Variants in PEX5L observed in about 807,000 individuals in gnomAD.
PEX5L encodes the protein peroxisomal biogenesis factor 5 like, also known as PEX5-related protein.
Under a neutral mutation model 84.0 loss-of-function variants are expected in PEX5L, and 30 were observed. That is an observed-to-expected ratio of 0.36 (90% CI 0.27 to 0.48). The LOEUF is 0.48. PEX5L is among the 20% of genes least tolerant of loss of function. The pLI is 0.99. For missense variants in PEX5L, 533 were observed against 754.6 expected, an observed-to-expected ratio of 0.71 and a Z score of 3.44; for synonymous variants, 270 against 283.1, an observed-to-expected ratio of 0.95 and a Z score of 0.46.
intron 7 of PEX5L, among the ~76,000 whole-genome samples, chr3:179,872,059 G>GT (rs1391593845): frequency 1.3e-5 from 2 of 151,946 alleles, no homozygotes; most frequent in African/African-American, 4.8e-5. Flanking sequence ...TAATTTTTGT[G>GT]TTTTTTGTAG....
chr3:179,828,448 A>T (rs1731356256), intron 8 of PEX5L, among the ~76,000 whole-genome samples: 1 of 152,120 alleles, frequency 6.6e-6, no homozygotes, highest in Non-Finnish European at 1.5e-5. Flanking sequence ...CAACTTTCAG[A>T]TGCTGCATGT....
At chr3:179,877,221 G>T (rs768215672) in intron 5 of PEX5L, among the ~76,000 whole-genome samples, 9 of 152,164 alleles carry the variant, frequency 5.9e-5, no homozygotes, top group Admixed American at 2.0e-4. Flanking sequence ...TAGCATGTAA[G>T]TTATTCCTTT....
intron 8 of PEX5L, among the ~76,000 whole-genome samples, chr3:179,838,145 T>A (rs2109301286): frequency 6.6e-6 from 1 of 152,362 alleles, no homozygotes; most frequent in African/African-American, 2.4e-5. Flanking sequence ...TTGAAATTCT[T>A]CAAAATTTCT....
Position 179,910,017 on chromosome 3 carries a change from A to G in PEX5L, c.94-11771T>C, listed in dbSNP as rs73885967. Among the ~76,000 whole-genome samples the G allele has an allele frequency of 4.5e-3, 679 of 152,336 alleles. 3 individuals carry two copies. Among genetic ancestry groups the G allele is most frequent in the African/African-American group, 0.016 (650 of 41,584 alleles). On this transcript the variant is annotated intron_variant, in intron 2 of 14. Coordinates refer to ENST00000467460, the MANE Select transcript of PEX5L (RefSeq NM_016559.3). ...CTAAACAGTAATAGAACAACCACCC[A>G]TGAATGACTACGAAGCGGTCTTACT...
intron 8 of PEX5L, among the ~76,000 whole-genome samples, chr3:179,843,930 T>C (rs1360131451): frequency 6.6e-6 from 1 of 152,244 alleles, no homozygotes; most frequent in East Asian, 1.9e-4. Flanking sequence ...GGATGGATTA[T>C]GCAAGTTCTT....
Position 179,898,126 on chromosome 3 carries a change from CT to C in PEX5L, c.198+15del. The C allele has an allele frequency of 6.6e-7, 1 of 1,525,762 alleles. No homozygotes were observed. The highest frequency in any genetic ancestry group is 1.1e-5 in the South Asian group (1 of 88,924). The allele number at this position is 1,525,762 out of a possible 1,614,324, so 94.5% of individuals were successfully genotyped here. Reference sequence around the variant, plus strand: ...CATATGTCAGCTTCCTACAGAAACCCTATGGGTCTGCCCACCTGTGATGTCA... The same window carrying C: ...CATATGTCAGCTTCCTACAGAAACCCATGGGTCTGCCCACCTGTGATGTCA... On this transcript the variant is annotated intron_variant, in intron 3 of 14. Transcript: ENST00000467460.
chr3:179,804,376 TA>T (rs1236088343), intron 14 of PEX5L: 4 of 152,196 alleles, frequency 2.6e-5, no homozygotes, highest in Non-Finnish European at 4.4e-5. Context: ...AGCATCACGT[TA>T]TAGCTTTCCC....
chr3:179,976,454 G>A (rs1393459866), intron 1 of PEX5L, among the ~76,000 whole-genome samples: 1 of 151,866 alleles, frequency 6.6e-6, no homozygotes, highest in East Asian at 1.9e-4. Context: ...GAGGGGTGTG[G>A]GGGGAAGGAG....
chr3:179,847,816 C>A (rs773792305), intron 8 of PEX5L, among the ~76,000 whole-genome samples: 3 of 152,072 alleles, frequency 2.0e-5, no homozygotes, highest in Non-Finnish European at 4.4e-5. Flanking sequence ...ATTCTCCCAC[C>A]TCAACCTCCC....
chr3:179,872,747 G>A (rs1482374941), intron 7 of PEX5L, among the ~76,000 whole-genome samples: 4 of 152,122 alleles, frequency 2.6e-5, no homozygotes, highest in Non-Finnish European at 4.4e-5. Context: ...AGAAACAAAC[G>A]TTTTATTGCT....
At chr3:179,975,088 C>T (rs1031035434) in intron 1 of PEX5L, among the ~76,000 whole-genome samples, 3 of 152,038 alleles carry the variant, frequency 2.0e-5, no homozygotes, top group African/African-American at 7.2e-5. Context: ...ACTCAGGAGG[C>T]TGAGGTGGGA....
chr3:179,928,080 G>A (rs1771971382), intron 2 of PEX5L, among the ~76,000 whole-genome samples: 1 of 152,120 alleles, frequency 6.6e-6, no homozygotes, highest in African/African-American at 2.4e-5. Flanking sequence ...TTTATGTTAA[G>A]GTTGATCAGT....
At chr3:179,863,502 G>A (rs1379065032) in intron 7 of PEX5L, among the ~76,000 whole-genome samples, 1 of 151,990 alleles carries the variant, frequency 6.6e-6, no homozygotes, top group Non-Finnish European at 1.5e-5. Flanking sequence ...AAAACAACTT[G>A]ATTTAAAAAT....
intron 2 of PEX5L, among the ~76,000 whole-genome samples, chr3:179,943,482 C>T (rs973942174): frequency 2.6e-5 from 4 of 152,152 alleles, no homozygotes; most frequent in Admixed American, 6.5e-5. Context: ...AATAATTAGC[C>T]TGCAGTAAAT....
intron 1 of PEX5L, among the ~76,000 whole-genome samples, chr3:179,979,986 A>G (rs1392558225): frequency 6.6e-6 from 1 of 152,158 alleles, no homozygotes; most frequent in East Asian, 1.9e-4. Context: ...TCATGATTTT[A>G]TGACCTTGCA....
intron 2 of PEX5L, among the ~76,000 whole-genome samples, chr3:179,920,734 G>A (rs891811777): frequency 4.6e-5 from 7 of 152,114 alleles, no homozygotes; most frequent in African/African-American, 1.7e-4. Flanking sequence ...CATAAGTACA[G>A]AAGCCATATT....
intron 10 of PEX5L, among the ~76,000 whole-genome samples, chr3:179,814,594 T>C (rs958880791): frequency 1.1e-4 from 17 of 152,198 alleles, no homozygotes; most frequent in African/African-American, 3.6e-4. Flanking sequence ...TGATGATTCC[T>C]GAAAATTACA....
At chr3:179,851,525 C>G (rs559076429) in intron 8 of PEX5L, among the ~76,000 whole-genome samples, 10 of 152,288 alleles carry the variant, frequency 6.6e-5, no homozygotes, top group Admixed American at 2.0e-4. Flanking sequence ...ATTTCTAGGA[C>G]AAGGAATTAC....
chr3:179,822,818 G>T (rs746833838), intron 8 of PEX5L, among the ~76,000 whole-genome samples: 34 of 152,296 alleles, frequency 2.2e-4, no homozygotes, highest in Non-Finnish European at 4.4e-4. Flanking sequence ...ATAGTTCTCT[G>T]ATGATAAAAT....
Sources: allele counts gnomAD v4.1 joint callset (sites outside exome capture counted in the v4.1 genomes callset), GRCh38; gene constraint gnomAD v4.1.1; transcripts MANE v1.5; gene names NCBI Gene and HGNC (gene_info 2026-07-23, HGNC 2026-07-21).